The following IGF2R variants were observed in gnomAD, a reference collection of about 807,000 sequenced individuals.
IGF2R encodes cation-independent mannose-6-phosphate receptor.
In IGF2R, 91 loss-of-function variants were observed where a neutral mutation model predicts 270.6. That is an observed-to-expected ratio of 0.34 (90% CI 0.28 to 0.40). The LOEUF is 0.40. Among genes scored for constraint, IGF2R ranks in the 10% least tolerant of loss-of-function variants. IGF2R has a pLI of 1.00. For synonymous variants in IGF2R, 1,316 were observed against 1,258.9 expected (o/e 1.05, Z -0.96); for missense variants, 2,805 against 3,188.3 (o/e 0.88, Z 2.90).
chr6:160,048,306 C>T, intron 17 of IGF2R, 69 bp from the exon 18 acceptor site: 2 of 1,448,882 alleles, frequency 1.4e-6, no homozygotes. Context: ...TCCCCAACTA[C>T]ATAGAAATAA....
chr6:160,064,667 A>G, intron 28 of IGF2R, 136 bp downstream of exon 28: 2 of 1,151,952 alleles, frequency 1.7e-6, no homozygotes, highest in South Asian at 2.8e-5. Flanking sequence ...TTTACAGAAA[A>G]TATGTTGAAA....
chr6:160,068,691 A>G lies in IGF2R; in HGVS notation c.4252+306A>G, dbSNP rs151030822. On this transcript the variant is annotated intron_variant, in intron 30 of 47. Coordinates refer to ENST00000356956, the MANE Select transcript of IGF2R (RefSeq NM_000876.4). ...TGTATTGAAAGCTGGCACTGGTGAG[A>G]GAGGGCCTCCTCGTGGGATGGTGTT... Among the ~76,000 whole-genome samples, 516 of 151,794 alleles carry G rather than the reference A, an allele frequency of 3.4e-3. 4 individuals carry two copies. The highest frequency in any genetic ancestry group is 0.012 in the African/African-American group (496 of 41,342).
chr6:159,991,086 G>C, intron 1 of IGF2R, 98 bp from the exon 2 acceptor site: 1 of 1,134,412 alleles, frequency 8.8e-7, no homozygotes, highest in African/African-American at 1.6e-5. Flanking sequence ...TTTCTAGTTT[G>C]TGGCAGTTTT....
intron 11 of IGF2R, among the ~76,000 whole-genome samples, chr6:160,041,836 A>G (rs531341263): frequency 1.3e-5 from 2 of 152,120 alleles, no homozygotes; most frequent in Non-Finnish European, 2.9e-5. Flanking sequence ...TAGTGAAGAC[A>G]TTGGTTTTCT....
chr6:160,051,354 T>C (rs1778191353), intron 19 of IGF2R, among the ~76,000 whole-genome samples: 1 of 152,240 alleles, frequency 6.6e-6, no homozygotes, highest in African/African-American at 2.4e-5. Flanking sequence ...TCCTCAGTCT[T>C]CTTTTGTGGG....
At position 160,075,988 on chromosome 6, in the gene IGF2R, G is replaced by A. The variant is rs745850167; in HGVS notation, c.5308G>A (p.Val1770Met). 1.2e-6 allele frequency: 2 copies of A among 1,614,202 alleles called. No homozygotes were observed. The highest frequency in any genetic ancestry group is 1.7e-6 in the Non-Finnish European group (2 of 1,180,008). The change falls in exon 36 of 48, where the codon GTG (valine) becomes ATG (methionine). Residue 1770 changes from valine (V) to methionine (M), a missense_variant. Val to Met is a conservative substitution (Grantham distance 21, BLOSUM62 1). Transcript: ENST00000356956. ...CATCGCGTTTCACTGTAAGAGAGGT[G>A]TGAGCATGGTAAGTGTGGGCCTGTG... Reference protein sequence around the residue: ...SLIAFHCKRGVSMGTPKLLRT... With the variant: ...SLIAFHCKRGMSMGTPKLLRT...
At position 160,071,624 on chromosome 6, in the gene IGF2R, C is replaced by G. The variant is rs765347717; in HGVS notation, c.4444-286C>G. ...TTCCAGCATCCTTTGCACGCCTGTC[C>G]CCAACCCCTGTCCTGTTCCTCAGCC... On this transcript the variant is annotated intron_variant, in intron 31 of 47. Transcript: ENST00000356956. Among the ~76,000 whole-genome samples the G allele has an allele frequency of 7.5e-4, 114 of 152,166 alleles. 1 individual carries two copies. Among genetic ancestry groups the G allele is most frequent in the Admixed American group, 4.6e-4 (7 of 15,284 alleles).
chr6:160,059,022 C>T lies in IGF2R; in HGVS notation c.3015C>T (p.Val1005=), dbSNP rs147003702. 3.3e-5 allele frequency: 54 copies of T among 1,614,204 alleles called. 2 individuals carry two copies. In the African/African-American group the frequency reaches 5.3e-4, roughly 16 times the overall value. The change falls in exon 22 of 48, where the codon GTC becomes GTT. Residue 1005 remains valine, a synonymous_variant. Coordinates refer to ENST00000356956, the MANE Select transcript of IGF2R (RefSeq NM_000876.4). ...AGAATTGGAAGCCAGCAAGGCCAGTCGGAATTGAGAAAAGCCTCCAGCTGT... is the reference window on the plus strand; with the variant it reads ...AGAATTGGAAGCCAGCAAGGCCAGTTGGAATTGAGAAAAGCCTCCAGCTGT... ...ELKNWKPARP[V]GIEKSLQLST...
At chr6:160,003,624 C>G (rs115774344) in intron 2 of IGF2R, 1 of 152,202 alleles carries the variant, frequency 6.6e-6, no homozygotes, top group African/African-American at 2.4e-5. Context: ...AAAACATAGC[C>G]AACAGTTAAT....
At chr6:160,025,526 G>C (rs1365967182) in intron 5 of IGF2R, among the ~76,000 whole-genome samples, 1 of 152,140 alleles carries the variant, frequency 6.6e-6, no homozygotes, top group African/African-American at 2.4e-5. Context: ...AGTATTGCTG[G>C]ATAGTAGATG....
chr6:159,974,852 A>G (rs759957108), intron 1 of IGF2R, among the ~76,000 whole-genome samples: 31 of 152,184 alleles, frequency 2.0e-4, no homozygotes, highest in Admixed American at 4.6e-4. Flanking sequence ...CTCTGCCTCT[A>G]GAAGTTTTTT....
chr6:160,003,485 G>T (rs1784161957), intron 2 of IGF2R: 1 of 152,142 alleles, frequency 6.6e-6, no homozygotes, highest in Non-Finnish European at 1.5e-5. Context: ...AAAGGTTTTT[G>T]GTAGCATTGT....
intron 2 of IGF2R, among the ~76,000 whole-genome samples, chr6:160,001,099 C>T (rs554268215): frequency 7.9e-5 from 12 of 152,172 alleles, no homozygotes; most frequent in East Asian, 5.8e-4. Flanking sequence ...AGACTGGTAG[C>T]GGTTTGTAGC....
chr6:160,003,526 CTG>C (rs1784162951), intron 2 of IGF2R: 3 of 152,196 alleles, frequency 2.0e-5, no homozygotes, highest in Admixed American at 6.5e-5. Context: ...GAACAATCTA[CTG>C]TGTGGGTATG....
At chr6:159,984,775 C>A (rs1303807357) in intron 1 of IGF2R, among the ~76,000 whole-genome samples, 1 of 152,180 alleles carries the variant, frequency 6.6e-6, no homozygotes, top group East Asian at 1.9e-4. Flanking sequence ...ACCAGTCCCC[C>A]CATCAGCAGT....
intron 2 of IGF2R, among the ~76,000 whole-genome samples, chr6:159,999,377 T>A (rs1342693694): frequency 6.6e-6 from 1 of 152,178 alleles, no homozygotes; most frequent in Non-Finnish European, 1.5e-5. Flanking sequence ...TGGCGTTACT[T>A]TAGCCTCCAC....
rs1214364992 is a variant in IGF2R, at chr6:160,064,293, A to T, written c.3887-108A>T. 10 of 1,264,238 alleles carry T rather than the reference A, an allele frequency of 7.9e-6. No individual in the cohort carries two copies. The East Asian group carries it at 2.3e-4, about 29-fold the overall frequency. 78.3% of individuals were successfully genotyped at this position (1,264,238 alleles called of 1,614,324 possible). Reference sequence around the variant, plus strand: ...ATGGTATGGTGCTGGGAGGCCAGGGATACTTTGTCTCACACTCTTCAGGGT... The same window carrying T: ...ATGGTATGGTGCTGGGAGGCCAGGGTTACTTTGTCTCACACTCTTCAGGGT... On this transcript the variant is annotated intron_variant, in intron 27 of 47. Transcript: ENST00000356956.
chr6:159,986,431 T>TGTGTGTG (rs1554235468), intron 1 of IGF2R, among the ~76,000 whole-genome samples: 83 of 74,106 alleles, frequency 1.1e-3, no homozygotes, highest in Non-Finnish European at 1.7e-3. Context: ...TGTGTGTGTG[T>TGTGTGTG]TTTTTTTTTT....
intron 1 of IGF2R, among the ~76,000 whole-genome samples, chr6:159,978,739 G>A (rs1783733473): frequency 6.6e-6 from 1 of 152,186 alleles, no homozygotes; most frequent in African/African-American, 2.4e-5. Flanking sequence ...GTTAGCCAGG[G>A]CAGAGGGGCA....
Sources: gnomAD v4.1 joint callset for allele counts (sites outside exome capture counted in the v4.1 genomes callset) on GRCh38, gnomAD v4.1.1 for gene constraint, MANE v1.5 for transcripts, NCBI Gene and HGNC (gene_info 2026-07-23, HGNC 2026-07-21) for gene names.